The following GRB10 variants were observed in gnomAD, a reference collection of about 807,000 sequenced individuals.
GRB10 encodes growth factor receptor bound protein 10, also known as growth factor receptor-bound protein 10.
Under a neutral mutation model 80.9 loss-of-function variants are expected in GRB10, and 20 were observed. The ratio of observed to expected loss-of-function variants is 0.25; its 90% CI spans 0.17 to 0.36. GRB10 has a LOEUF of 0.36. GRB10 is among the 10% of genes least tolerant of loss of function. GRB10 has a pLI of 1.00. For missense variants in GRB10, 548 were observed against 747.7 expected (o/e 0.73, Z 3.12); for synonymous variants, 291 against 291.5 (o/e 1.00, Z 0.02).
chr7:50,699,073 C>T (rs2063815561), intron 5 of GRB10, among the ~76,000 whole-genome samples: 1 of 151,952 alleles, frequency 6.6e-6, no homozygotes, highest in Non-Finnish European at 1.5e-5. Flanking sequence ...ATTACATTTC[C>T]CAATTGTTTT....
chr7:50,617,886 C>T (rs1414293919), intron 10 of GRB10, 185 bp downstream of exon 10: 9 of 647,392 alleles, frequency 1.4e-5, no homozygotes, highest in Non-Finnish European at 2.2e-5. Context: ...ACAGATTTTC[C>T]AAGGAAACTT....
chr7:50,754,617 G>T (rs1305847425), intron 3 of GRB10, among the ~76,000 whole-genome samples: 1 of 152,208 alleles, frequency 6.6e-6, no homozygotes, highest in Non-Finnish European at 1.5e-5. Context: ...TTTAGAAAGG[G>T]ATGTGTAAAA....
chr7:50,658,347 T>C (rs952153574), intron 7 of GRB10, among the ~76,000 whole-genome samples: 3 of 152,212 alleles, frequency 2.0e-5, no homozygotes, highest in Non-Finnish European at 4.4e-5. Context: ...CATTGTCTAG[T>C]GGTTCCCCCT....
At chr7:50,628,231 C>T (rs189898567) in intron 7 of GRB10, among the ~76,000 whole-genome samples, 199 of 152,324 alleles carry the variant, frequency 1.3e-3, no homozygotes, top group African/African-American at 4.4e-3. Context: ...ATCTTTGTCC[C>T]GCAACTGATG....
At chr7:50,763,793 C>G (rs1587968752) in intron 2 of GRB10, among the ~76,000 whole-genome samples, 2 of 152,338 alleles carry the variant, frequency 1.3e-5, no homozygotes, top group South Asian at 4.1e-4. Flanking sequence ...TCTCTGCTGC[C>G]AACTCCAGGC....
chr7:50,619,332 C>T (rs1156719191), intron 8 of GRB10, 47 bp from the exon 9 acceptor site: 6 of 1,085,282 alleles, frequency 5.5e-6, no homozygotes, highest in Middle Eastern at 3.9e-4. Flanking sequence ...GTGGGAAATT[C>T]ATGGTAGCTT....
At chr7:50,615,707 A>G (rs947268817) in intron 11 of GRB10, among the ~76,000 whole-genome samples, 2 of 152,220 alleles carry the variant, frequency 1.3e-5, no homozygotes, top group African/African-American at 4.8e-5. Flanking sequence ...AAGAGTGTAC[A>G]TGGGAGCAAA....
chr7:50,623,546 G>T (rs779667639), intron 8 of GRB10, among the ~76,000 whole-genome samples: 10 of 152,192 alleles, frequency 6.6e-5, no homozygotes, highest in Non-Finnish European at 1.5e-4. Context: ...CAGCAGGGAT[G>T]CCACTGTTGC....
intron 3 of GRB10, among the ~76,000 whole-genome samples, chr7:50,751,474 C>T (rs1220161596): frequency 6.6e-6 from 1 of 152,100 alleles, no homozygotes; most frequent in African/African-American, 2.4e-5. Flanking sequence ...AATAAATAGC[C>T]AGGGGCCAGA....
chr7:50,721,585 C>T lies in GRB10; in HGVS notation c.51+10687G>A, dbSNP rs984221113. ...CACCTTCTTGCTCTGCTGGCCCAAGCCCCGGTCTGTTAGCTCTTGTCTCTG... is the reference window on the plus strand; with the variant it reads ...CACCTTCTTGCTCTGCTGGCCCAAGTCCCGGTCTGTTAGCTCTTGTCTCTG... On this transcript the variant is annotated intron_variant, in intron 4 of 18. Transcript: ENST00000401949. 4.6e-5 allele frequency among the ~76,000 whole-genome samples: 7 copies of T among 152,352 alleles called. No homozygotes were observed. The South Asian group carries it at 1.4e-3, about 32-fold the overall frequency.
At chr7:50,627,251 G>A (rs951308318) in intron 7 of GRB10, among the ~76,000 whole-genome samples, 6 of 152,072 alleles carry the variant, frequency 3.9e-5, no homozygotes, top group Admixed American at 6.5e-5. Context: ...TACAGCACAC[G>A]GCTAAACCAC....
intron 7 of GRB10, among the ~76,000 whole-genome samples, chr7:50,653,836 A>G (rs1047734943): frequency 2.0e-5 from 3 of 152,202 alleles, no homozygotes; most frequent in Admixed American, 2.0e-4. Flanking sequence ...TCAAAAAGGG[A>G]CCTCTGAAGT....
intron 3 of GRB10, among the ~76,000 whole-genome samples, chr7:50,737,263 G>C (rs1303529139): frequency 6.6e-6 from 1 of 152,222 alleles, no homozygotes; most frequent in Non-Finnish European, 1.5e-5. Context: ...CCGGATCATG[G>C]GGGTGGTTTC....
chr7:50,660,359 A>G (rs546661878), intron 7 of GRB10, among the ~76,000 whole-genome samples: 29 of 152,230 alleles, frequency 1.9e-4, no homozygotes, highest in African/African-American at 7.0e-4. Flanking sequence ...ACAGCCATGG[A>G]GCCATGTCCA....
intron 2 of GRB10, among the ~76,000 whole-genome samples, chr7:50,765,939 T>G (rs1170462847): frequency 6.6e-6 from 1 of 152,212 alleles, no homozygotes; most frequent in Admixed American, 6.5e-5. Context: ...TCATGTACCT[T>G]GAAACTATGT....
At chr7:50,602,229 G>C (rs930531200) in intron 17 of GRB10, among the ~76,000 whole-genome samples, 2 of 152,214 alleles carry the variant, frequency 1.3e-5, no homozygotes, top group African/African-American at 4.8e-5. Context: ...ATTAGAAAAT[G>C]ATGATTTTGG....
chr7:50,696,046 T>C (rs1353612352), intron 5 of GRB10, among the ~76,000 whole-genome samples: 2 of 152,232 alleles, frequency 1.3e-5, no homozygotes, highest in African/African-American at 4.8e-5. Context: ...TTTAACATAT[T>C]TTAAGACAGA....
chr7:50,677,311 T>C (rs1292511966), intron 5 of GRB10, among the ~76,000 whole-genome samples: 1 of 152,194 alleles, frequency 6.6e-6, no homozygotes, highest in African/African-American at 2.4e-5. Context: ...AGGCGAACTC[T>C]TGCTCATAGC....
At chr7:50,721,132 T>C (rs2067657294) in intron 4 of GRB10, among the ~76,000 whole-genome samples, 1 of 152,276 alleles carries the variant, frequency 6.6e-6, no homozygotes, top group Non-Finnish European at 1.5e-5. Flanking sequence ...TTTTAAACTT[T>C]CCTGGAGAAT....
Sources: allele counts gnomAD v4.1 joint callset (sites outside exome capture counted in the v4.1 genomes callset), GRCh38; gene constraint gnomAD v4.1.1; transcripts MANE v1.5; gene names NCBI Gene and HGNC (gene_info 2026-07-23, HGNC 2026-07-21).